CLPTM1L: variants seen among roughly 807,000 people sequenced by gnomAD.
The protein encoded by CLPTM1L is lipid scramblase CLPTM1L.
Under a neutral mutation model 70.9 loss-of-function variants are expected in CLPTM1L, and 38 were observed. The ratio of observed to expected loss-of-function variants is 0.54; its 90% CI spans 0.41 to 0.70. The LOEUF (loss-of-function observed/expected upper bound fraction) is 0.70, where lower values mean the gene tolerates loss of function less well. Among genes scored for constraint, CLPTM1L ranks in the 30% least tolerant of loss-of-function variants. CLPTM1L has a pLI of 0.00. For missense variants in CLPTM1L, 652 were observed against 705.9 expected, an observed-to-expected ratio of 0.92 and a Z score of 0.87; for synonymous variants, 339 against 299.9, an observed-to-expected ratio of 1.13 and a Z score of -1.35.
intron 9 of CLPTM1L, 145 bp from the exon 10 acceptor site, chr5:1,325,961 G>A (rs907819392): frequency 7.4e-6 from 5 of 672,982 alleles, no homozygotes; most frequent in African/African-American, 1.8e-5. Flanking sequence ...CACAGCTCAG[G>A]CCAGAGCGCT....
rs1754182551 is a variant in CLPTM1L, at chr5:1,344,924, G to A, written c.-83C>T. On this transcript the variant is annotated 5_prime_UTR_variant, in exon 1 of 17. Transcript: ENST00000320895. ...GCCCGGCGCCCAGCCCGCCGCTCCG[G>A]GCTCCGCCGCTCACTGGAGAGCCGC... 1.2e-6 allele frequency: 1 copy of A among 828,688 alleles called. No homozygotes were observed. The highest frequency in any genetic ancestry group is 1.4e-6 in the Non-Finnish European group (1 of 692,488). 51.3% of individuals were successfully genotyped at this position (828,688 alleles called of 1,614,324 possible).
intron 7 of CLPTM1L, among the ~76,000 whole-genome samples, chr5:1,332,999 TAAG>T (rs1487710795): frequency 7.6e-6 from 1 of 132,224 alleles, no homozygotes; most frequent in African/African-American, 2.9e-5. Flanking sequence ...GGGATGAGGA[TAAG>T]GGGGGAATAC....
chr5:1,334,319 C>T lies in CLPTM1L; in HGVS notation c.861G>A (p.Leu287=). ...GIFVDTNLYF[L]ALTFFVAAFH... is the part of the protein sequence containing the mutation. The stretch of plus-strand genomic sequence containing the variant: ...ACGCTGCGACAAAGAAGGTCAGCGC[C>T]AGGAAGTATAAGTTGGTATCTACAA... The change falls in exon 7 of 17, where the codon CTG becomes CTA. Residue 287 remains leucine, a synonymous_variant. Coordinates refer to ENST00000320895, the MANE Select transcript of CLPTM1L (RefSeq NM_030782.5). The T allele has an allele frequency of 6.2e-7, 1 of 1,613,864 alleles. No individual in the cohort carries two copies. Among genetic ancestry groups the T allele is most frequent in the South Asian group, 1.1e-5 (1 of 91,060 alleles).
At chr5:1,336,408 A>G (rs1753581278) in intron 5 of CLPTM1L, among the ~76,000 whole-genome samples, 2 of 152,254 alleles carry the variant, frequency 1.3e-5, no homozygotes, top group African/African-American at 4.8e-5. Flanking sequence ...CACCACTGGC[A>G]CAGCTGCGCC....
At chr5:1,322,855 G>A (rs371145678) in intron 13 of CLPTM1L, 22 bp downstream of exon 13, 23 of 1,612,040 alleles carry the variant, frequency 1.4e-5, no homozygotes, top group Non-Finnish European at 1.7e-5. Context: ...TAGTACTGAA[G>A]CAGGGAAGCA....
Position 1,328,943 on chromosome 5 carries a change from C to T in CLPTM1L, c.1080+1337G>A, listed in dbSNP as rs368435892. Reference sequence around the variant, plus strand: ...CCAGCTCCTCCTCTACAGGGACATTCCATCCAGCTCCTCCTCTACAGACAC... The same window carrying T: ...CCAGCTCCTCCTCTACAGGGACATTTCATCCAGCTCCTCCTCTACAGACAC... On this transcript the variant is annotated intron_variant, in intron 9 of 16. Transcript: ENST00000320895. Among the ~76,000 whole-genome samples, 50 of 143,770 alleles carry T rather than the reference C, an allele frequency of 3.5e-4. No homozygotes were observed. The South Asian group carries it at 7.8e-3, about 22-fold the overall frequency. 94.3% of individuals were successfully genotyped at this position (143,770 alleles called of 152,430 possible).
At chr5:1,319,784 G>C (rs1752046237) in intron 16 of CLPTM1L, among the ~76,000 whole-genome samples, 2 of 152,344 alleles carry the variant, frequency 1.3e-5, no homozygotes, top group South Asian at 4.1e-4. Flanking sequence ...ACACTTGGCA[G>C]CAGGTCTTGG....
In CLPTM1L at chr5:1,320,619, C is replaced by T. The variant is rs1299783227; in HGVS notation, c.1529G>A (p.Arg510Gln). ...DVVFLVYLYQ[R>Q]WLYPVDKRRV... ...GAGCATACGCAGCCGCACTCACCAC[C>T]GCTGGTACAGGTAGACCAGAAACAC... The change falls in exon 16 of 17, where the codon CGG becomes CAG. Residue 510 changes from arginine (R) to glutamine (Q), a missense_variant. This residue lies in a region of CLPTM1L where 240 missense variants were observed against 295.0 expected (regional missense o/e 0.81). Transcript: ENST00000320895. 17 of 1,528,868 alleles carry T rather than the reference C, an allele frequency of 1.1e-5. No individual in the cohort carries two copies. Among genetic ancestry groups the T allele is most frequent in the East Asian group, 7.5e-5 (3 of 40,168 alleles). 94.7% of individuals were successfully genotyped at this position (1,528,868 alleles called of 1,614,324 possible).
At chr5:1,344,300 G>T in intron 2 of CLPTM1L, 51 bp downstream of exon 2, 2 of 1,220,238 alleles carry the variant, frequency 1.6e-6, no homozygotes, top group African/African-American at 1.5e-5. Context: ...TAAACAATCT[G>T]AACATGAGTA....
intron 12 of CLPTM1L, 111 bp downstream of exon 12, chr5:1,323,676 A>C: frequency 2.4e-6 from 2 of 829,424 alleles, no homozygotes; most frequent in African/African-American, 3.4e-5. Flanking sequence ...GCGCTGGCCC[A>C]AGTGCCCCGG....
At position 1,324,820 on chromosome 5, in the gene CLPTM1L, T is replaced by G. The variant is rs1752416432; in HGVS notation, c.1147-7A>C. On this transcript the variant is annotated splice_polypyrimidine_tract_variant and splice_region_variant and intron_variant, in intron 10 of 16. Transcript: ENST00000320895. ...ATTCGCTGTAAGTGCCAAACTGTTG[T>G]GAAATTCAACACAGTGATATTAATA... 1.9e-6 allele frequency: 3 copies of G among 1,613,154 alleles called. No individual in the cohort carries two copies. The highest frequency in any genetic ancestry group is 2.5e-6 in the Non-Finnish European group (3 of 1,179,100).
chr5:1,323,083 G>C (rs760757607), intron 12 of CLPTM1L, among the ~76,000 whole-genome samples, 172 bp from the exon 13 acceptor site: 10 of 152,222 alleles, frequency 6.6e-5, no homozygotes, highest in Non-Finnish European at 2.9e-5. Context: ...GCTGGAGATA[G>C]CGCTGAGCAC....
At chr5:1,323,034 T>TCGGCAGCC (rs1162917947) in intron 12 of CLPTM1L, 123 bp from the exon 13 acceptor site, 1 of 967,406 alleles carries the variant, frequency 1.0e-6, no homozygotes, top group Non-Finnish European at 1.6e-6. Context: ...TCACGGCAGC[T>TCGGCAGCC]CGGCAGCCAA....
At chr5:1,340,468 G>A (rs984114354) in intron 3 of CLPTM1L, among the ~76,000 whole-genome samples, 1 of 152,186 alleles carries the variant, frequency 6.6e-6, no homozygotes, top group Admixed American at 6.5e-5. Flanking sequence ...GCAGTTTAGC[G>A]ATAATTTACA....
rs1190995434 is a variant in CLPTM1L at position 1,327,465 on chromosome 5, T to C, written c.1081-1649A>G. Among the ~76,000 whole-genome samples the C allele has an allele frequency of 8.7e-4, 124 of 142,686 alleles. 1 individual carries two copies. Among genetic ancestry groups the C allele is most frequent in the African/African-American group, 3.0e-3 (113 of 37,778 alleles). 93.6% of individuals were successfully genotyped at this position (142,686 alleles called of 152,430 possible). ...GCTCCTCCTCTACAGGGACATTCCA[T>C]CCAGCTCCTCCTCTACAGGGACATT... On this transcript the variant is annotated intron_variant, in intron 9 of 16. Transcript: ENST00000320895.
intron 7 of CLPTM1L, among the ~76,000 whole-genome samples, chr5:1,333,961 C>G (rs1753376774): frequency 1.3e-5 from 2 of 152,136 alleles, no homozygotes; most frequent in Admixed American, 1.3e-4. Flanking sequence ...AGTGAGATGC[C>G]TGCACCTATT....
At chr5:1,326,258 T>TG (rs1268718616) in intron 9 of CLPTM1L, 1 of 251,312 alleles carries the variant, frequency 4.0e-6, no homozygotes, top group Admixed American at 5.2e-5. Context: ...CTGTGACTCG[T>TG]ACCTATGGAG....
At chr5:1,343,089 G>A (rs971905201) in intron 2 of CLPTM1L, among the ~76,000 whole-genome samples, 1 of 152,138 alleles carries the variant, frequency 6.6e-6, no homozygotes, top group Non-Finnish European at 1.5e-5. Context: ...TACTTTGGAG[G>A]CTAAGGCAGG....
At chr5:1,319,975 T>C (rs1752055674) in intron 16 of CLPTM1L, among the ~76,000 whole-genome samples, 1 of 152,208 alleles carries the variant, frequency 6.6e-6, no homozygotes, top group Non-Finnish European at 1.5e-5. Context: ...ATGTCAGCCC[T>C]GGAGGGAAGC....
Sources: allele counts gnomAD v4.1 joint callset (sites outside exome capture counted in the v4.1 genomes callset), GRCh38; gene constraint gnomAD v4.1.1; regional missense constraint gnomAD v4.1.1; transcripts MANE v1.5; gene names NCBI Gene and HGNC (gene_info 2026-07-23, HGNC 2026-07-21).